ANK2: variants seen among roughly 807,000 people sequenced by gnomAD.
The protein encoded by ANK2 is ankyrin 2, also known as ankyrin-2.
ANK2 carries 83 observed loss-of-function variants against 360.5 expected under a neutral mutation model. That is an observed-to-expected ratio of 0.23 (90% confidence interval 0.19 to 0.28). The LOEUF is 0.28. Ranked by LOEUF, ANK2 falls within the 10% of genes least tolerant of loss-of-function variation. The pLI, the probability that ANK2 is intolerant of heterozygous loss-of-function variation, is 1.00. For synonymous variants in ANK2, 1,740 were observed against 1,759.5 expected, an observed-to-expected ratio of 0.99 and a Z score of 0.28; for missense variants, 4,201 against 4,795.7, an observed-to-expected ratio of 0.88 and a Z score of 3.66.
At chr4:112,813,055 T>G (rs970749094), upstream of ANK2, among the ~76,000 whole-genome samples, 4 of 151,882 alleles carry the variant, frequency 2.6e-5, no homozygotes, top group African/African-American at 9.7e-5. Flanking sequence ...CTGGCCAACA[T>G]AGTGAAACCA....
chr4:112,995,554 T>C (rs1447477561), intron 2 of ANK2, among the ~76,000 whole-genome samples: 2 of 152,236 alleles, frequency 1.3e-5, no homozygotes, highest in East Asian at 3.9e-4. Context: ...GTCTGTTTAC[T>C]CTGTTGATAG....
chr4:112,748,383 G>A, the ANK2 span, among the ~76,000 whole-genome samples: 1 of 152,166 alleles, frequency 6.6e-6, no homozygotes. Flanking sequence ...GCCTGCTATG[G>A]AAATGTAGAG....
intron 26 of ANK2, among the ~76,000 whole-genome samples, chr4:113,329,127 C>T (rs979913062): frequency 1.3e-5 from 2 of 152,172 alleles, no homozygotes; most frequent in South Asian, 2.1e-4. Flanking sequence ...AGAGTACACA[C>T]AGTTTGTATG....
intron 2 of ANK2, among the ~76,000 whole-genome samples, chr4:112,976,945 G>T (rs1302062100): frequency 1.3e-5 from 2 of 152,162 alleles, no homozygotes; most frequent in African/African-American, 4.8e-5. Context: ...AGCATCTAGC[G>T]CTGGGGTTTG....
intron 2 of ANK2, among the ~76,000 whole-genome samples, chr4:112,970,581 C>T (rs543689401): frequency 1.1e-4 from 17 of 152,122 alleles, no homozygotes; most frequent in Non-Finnish European, 2.2e-4. Context: ...GTCTCGAGCT[C>T]CTGACCTTGT....
At chr4:112,729,139 A>C in the ANK2 span, among the ~76,000 whole-genome samples, 1 of 152,136 alleles carries the variant, frequency 6.6e-6, no homozygotes, top group Admixed American at 6.5e-5. Context: ...CCAAGGCCGC[A>C]GTGAGGCATG....
chr4:112,913,043 C>T (rs1204573046), intron 2 of ANK2, among the ~76,000 whole-genome samples: 1 of 151,970 alleles, frequency 6.6e-6, no homozygotes, highest in African/African-American at 2.4e-5. Flanking sequence ...ATGATTGGAA[C>T]AAAGTGCACT....
intron 45 of ANK2, among the ~76,000 whole-genome samples, chr4:113,379,581 G>A (rs1320154599): frequency 1.3e-5 from 2 of 152,114 alleles, no homozygotes; most frequent in East Asian, 3.9e-4. Flanking sequence ...AGCAGAAATA[G>A]TCAGAAAAGT....
intron 2 of ANK2, among the ~76,000 whole-genome samples, chr4:112,960,762 A>G (rs2034378160): frequency 6.6e-6 from 1 of 152,070 alleles, no homozygotes; most frequent in Non-Finnish European, 1.5e-5. Flanking sequence ...TCATAGTAAT[A>G]AGATAATTTA....
At chr4:113,006,886 A>G (rs2053071152) in intron 2 of ANK2, among the ~76,000 whole-genome samples, 1 of 151,650 alleles carries the variant, frequency 6.6e-6, no homozygotes, top group African/African-American at 2.4e-5. Flanking sequence ...TCATGAATCC[A>G]TTATGAACCT....
intron 2 of ANK2, among the ~76,000 whole-genome samples, chr4:112,961,058 C>CTGT: frequency 6.8e-6 from 1 of 146,546 alleles, no homozygotes; most frequent in East Asian, 2.0e-4. Flanking sequence ...ATCTAAATAA[C>CTGT]TGTTTTTTTT....
intron 1 of ANK2, among the ~76,000 whole-genome samples, chr4:112,897,633 T>C (rs1416209135): frequency 6.6e-6 from 1 of 152,152 alleles, no homozygotes; most frequent in African/African-American, 2.4e-5. Flanking sequence ...TGATGTTTTG[T>C]CTTTTTATGG....
intron 1 of ANK2, among the ~76,000 whole-genome samples, chr4:113,092,920 A>G (rs773591204): frequency 6.6e-6 from 1 of 152,186 alleles, no homozygotes; most frequent in African/African-American, 2.4e-5. Flanking sequence ...TGCTTTTAAA[A>G]ATCAAAAAAT....
intron 1 of ANK2, among the ~76,000 whole-genome samples, chr4:113,116,264 T>A (rs2094762292): frequency 6.6e-6 from 1 of 152,210 alleles, no homozygotes; most frequent in Admixed American, 6.5e-5. Context: ...ATGTGCCCTC[T>A]TTGAGTGATA....
At chr4:113,335,779 T>G (rs957822786) in intron 29 of ANK2, 67 bp from the exon 30 acceptor site, 9 of 1,489,890 alleles carry the variant, frequency 6.0e-6, no homozygotes, top group Non-Finnish European at 8.4e-6. Flanking sequence ...AGCGAATGAG[T>G]TGGCTAGAAT....
intron 2 of ANK2, among the ~76,000 whole-genome samples, chr4:112,932,840 C>G (rs1168655466): frequency 3.9e-5 from 6 of 152,052 alleles, no homozygotes; most frequent in South Asian, 4.1e-4. Context: ...TTTTGAAATT[C>G]TATTTCTTTC....
chr4:113,143,393 G>T (rs964931216), intron 1 of ANK2, among the ~76,000 whole-genome samples: 1 of 124,918 alleles, frequency 8.0e-6, no homozygotes, highest in Non-Finnish European at 1.7e-5. Flanking sequence ...TAGCACCTAG[G>T]GGCATCTCCT....
At chr4:112,728,292 CAAAAAAAA>C in the ANK2 span, among the ~76,000 whole-genome samples, 3 of 40,124 alleles carry the variant, frequency 7.5e-5, no homozygotes, top group Admixed American at 5.6e-4. Context: ...GACTCTGTCT[CAAAAAAAA>C]AAAAAAAAAA....
intron 1 of ANK2, among the ~76,000 whole-genome samples, chr4:113,057,768 G>A (rs575623161): frequency 1.2e-4 from 18 of 152,132 alleles, no homozygotes; most frequent in East Asian, 7.7e-4. Context: ...TAAATATTCA[G>A]CCTTCTGCCT....
Sources: allele counts gnomAD v4.1 joint callset (sites outside exome capture counted in the v4.1 genomes callset), GRCh38; gene constraint gnomAD v4.1.1; transcripts MANE v1.5; gene names NCBI Gene and HGNC (gene_info 2026-07-23, HGNC 2026-07-21).